The following CNNM2 variants were observed in gnomAD, a reference collection of about 807,000 sequenced individuals.
The protein encoded by CNNM2 is metal transporter CNNM2.
A neutral mutation model predicts 66.9 loss-of-function variants in CNNM2; 12 were observed. The ratio of observed to expected loss-of-function variants is 0.18; its 90% CI spans 0.11 to 0.29. CNNM2 has a LOEUF of 0.29. Ranked by LOEUF, CNNM2 falls within the 10% of genes least tolerant of loss-of-function variation. The pLI is 1.00. For missense variants in CNNM2, 705 were observed against 1,167.7 expected (o/e 0.60, Z 5.77); for synonymous variants, 557 against 501.8 (o/e 1.11, Z -1.47).
In CNNM2 at chr10:102,947,789, T is replaced by C. The variant is rs559412794; in HGVS notation, c.1621+27688T>C. Among the ~76,000 whole-genome samples, 50 of 150,560 alleles carry C rather than the reference T, an allele frequency of 3.3e-4. No homozygotes were observed. The South Asian group carries it at 4.4e-3, about 13-fold the overall frequency. ...CAAACAGGCCAGGCGCGGTGGCTCATGCCTGTAATCCTAGCACTTTGGGAG... is the reference window on the plus strand; with the variant it reads ...CAAACAGGCCAGGCGCGGTGGCTCACGCCTGTAATCCTAGCACTTTGGGAG... On this transcript the variant is annotated intron_variant, in intron 1 of 7. Transcript: ENST00000369878.
Position 103,064,176 on chromosome 10 carries a change from CTAA to C in CNNM2, c.2074-4451_2074-4449del, listed in dbSNP as rs539316797. 4.1e-4 allele frequency among the ~76,000 whole-genome samples: 63 copies of C among 152,288 alleles called. No individual in the cohort carries two copies. The South Asian group carries it at 6.6e-3, about 16-fold the overall frequency. ...CAACTTTATATGAAGTAAAATTACT[CTAA>C]TGTGATAACTCTTCCTAAGTGCTGA... is the stretch of plus-strand genomic sequence containing the variant. On this transcript the variant is annotated intron_variant, in intron 4 of 7. Coordinates refer to ENST00000369878, the MANE Select transcript of CNNM2 (RefSeq NM_017649.5).
chr10:103,037,607 A>G (rs2064965721), intron 1 of CNNM2, among the ~76,000 whole-genome samples: 5 of 152,228 alleles, frequency 3.3e-5, no homozygotes. Flanking sequence ...GAGAAGATAG[A>G]TAGCATAGCC....
intron 1 of CNNM2, among the ~76,000 whole-genome samples, chr10:102,989,466 T>C (rs532569810): frequency 1.3e-5 from 2 of 151,942 alleles, no homozygotes; most frequent in South Asian, 4.2e-4. Flanking sequence ...AAATATTTGC[T>C]TTATGTTCTT....
At chr10:102,955,805 C>G (rs1847012743) in intron 1 of CNNM2, among the ~76,000 whole-genome samples, 2 of 152,210 alleles carry the variant, frequency 1.3e-5, no homozygotes, top group Admixed American at 6.5e-5. Flanking sequence ...CAGAGAAATG[C>G]AAATCAAAAC....
chr10:103,002,403 G>C, intron 1 of CNNM2, among the ~76,000 whole-genome samples: 1 of 151,440 alleles, frequency 6.6e-6, no homozygotes, highest in Non-Finnish European at 1.5e-5. Flanking sequence ...ACAGCACTTT[G>C]TACTCACTAG....
chr10:102,922,592 A>G (rs1359141893), intron 1 of CNNM2, among the ~76,000 whole-genome samples: 1 of 152,212 alleles, frequency 6.6e-6, no homozygotes, highest in Non-Finnish European at 1.5e-5. Flanking sequence ...CAACCCCAAC[A>G]ATACCAATTG....
At chr10:103,003,536 G>T (rs2064165662) in intron 1 of CNNM2, among the ~76,000 whole-genome samples, 1 of 152,134 alleles carries the variant, frequency 6.6e-6, no homozygotes, top group African/African-American at 2.4e-5. Context: ...TGCATGTCAT[G>T]AAATAAACTG....
chr10:102,988,520 T>C (rs1027733882), intron 1 of CNNM2, among the ~76,000 whole-genome samples: 1 of 152,082 alleles, frequency 6.6e-6, no homozygotes, highest in Non-Finnish European at 1.5e-5. Flanking sequence ...ATTTTAAGAA[T>C]CTTATACAAA....
intron 1 of CNNM2, among the ~76,000 whole-genome samples, chr10:102,991,744 AC>A (rs2063901996): frequency 6.6e-6 from 1 of 152,174 alleles, no homozygotes; most frequent in Non-Finnish European, 1.5e-5. Flanking sequence ...ACAATATATT[AC>A]CTAGTATTGG....
chr10:103,057,387 G>A (rs373402110), intron 4 of CNNM2, among the ~76,000 whole-genome samples: 6 of 152,026 alleles, frequency 3.9e-5, no homozygotes, highest in African/African-American at 1.4e-4. Context: ...GGGGCGGGGC[G>A]GGGATTGCTT....
chr10:103,011,282 GTC>G (rs1213706487), intron 1 of CNNM2, among the ~76,000 whole-genome samples: 1 of 151,956 alleles, frequency 6.6e-6, no homozygotes, highest in African/African-American at 2.4e-5. Context: ...ATGAAACCCT[GTC>G]TCTACTAAAA....
chr10:102,989,600 C>T (rs985098429), intron 1 of CNNM2, among the ~76,000 whole-genome samples: 6 of 151,860 alleles, frequency 4.0e-5, no homozygotes, highest in Admixed American at 1.3e-4. Context: ...GTCAAGAGTT[C>T]GAGACCAGCC....
intron 1 of CNNM2, among the ~76,000 whole-genome samples, chr10:103,036,681 C>G (rs903621160): frequency 2.6e-5 from 4 of 152,174 alleles, no homozygotes; most frequent in East Asian, 1.9e-4. Flanking sequence ...GTTGGCTAAT[C>G]TTTGTCAGGA....
At position 103,054,321 on chromosome 10, in the gene CNNM2, T is replaced by TC; in HGVS notation, c.1766-5dup. ...CTTTTTTTTTCTCTCTTTTAATTCCTCCCTTAGCTGACAACAGAACGAAAA... is the reference window on the plus strand; with the variant it reads ...CTTTTTTTTTCTCTCTTTTAATTCCTCCCCTTAGCTGACAACAGAACGAAAA... On this transcript the variant is annotated splice_region_variant and splice_polypyrimidine_tract_variant and intron_variant, in intron 2 of 7. Transcript: ENST00000369878. The surrounding 1 kb of genome is among the most constrained non-coding windows in gnomAD (Gnocchi z 5.2). The TC allele has an allele frequency of 6.2e-7, 1 of 1,613,294 alleles. No homozygotes were observed.
chr10:102,985,039 A>C (rs1199153579), intron 1 of CNNM2, among the ~76,000 whole-genome samples: 1 of 152,202 alleles, frequency 6.6e-6, no homozygotes, highest in Non-Finnish European at 1.5e-5. Flanking sequence ...CAAAAGGCCG[A>C]GAAGCGATGA....
At chr10:102,980,776 A>G (rs2063707425) in intron 1 of CNNM2, among the ~76,000 whole-genome samples, 1 of 152,200 alleles carries the variant, frequency 6.6e-6, no homozygotes, top group East Asian at 1.9e-4. Flanking sequence ...CAGTGTTTAC[A>G]TTATTATGAC....
intron 1 of CNNM2, among the ~76,000 whole-genome samples, chr10:102,974,607 T>C (rs1051730174): frequency 6.6e-6 from 1 of 152,144 alleles, no homozygotes; most frequent in Non-Finnish European, 1.5e-5. Context: ...GGTCTTGCCC[T>C]GTAGCCCAGG....
At chr10:103,005,103 C>T (rs552162729) in intron 1 of CNNM2, among the ~76,000 whole-genome samples, 44 of 151,740 alleles carry the variant, frequency 2.9e-4, no homozygotes, top group African/African-American at 7.7e-4. Context: ...TTAGTAGAGA[C>T]GGGGTTTTTC....
chr10:103,024,603 C>T (rs1366236380), intron 1 of CNNM2, among the ~76,000 whole-genome samples: 4 of 152,018 alleles, frequency 2.6e-5, no homozygotes, highest in Admixed American at 1.3e-4. Context: ...CTCAGCCTCC[C>T]GAGCAGCTGG....
Sources: gnomAD v4.1 joint callset for allele counts (sites outside exome capture counted in the v4.1 genomes callset) on GRCh38, gnomAD v4.1.1 for gene constraint, Gnocchi (gnomAD v3.1) non-coding constraint, MANE v1.5 for transcripts, NCBI Gene and HGNC (gene_info 2026-07-23, HGNC 2026-07-21) for gene names.